The following TBCK variants were observed in gnomAD, a reference collection of about 807,000 sequenced individuals.
The protein encoded by TBCK is TBC domain-containing protein kinase-like protein.
A neutral mutation model predicts 113.4 loss-of-function variants in TBCK; 99 were observed. The ratio of observed to expected loss-of-function variants is 0.87; its 90% CI spans 0.74 to 1.03. TBCK has a LOEUF of 1.03. TBCK is among the 50% of genes least tolerant of loss of function. The pLI, the probability that TBCK is intolerant of heterozygous loss-of-function variation, is 0.00. For synonymous variants in TBCK, 369 were observed against 370.8 expected (o/e 1.00, Z 0.05); for missense variants, 1,045 against 1,061.3 (o/e 0.98, Z 0.21).
At chr4:106,089,784 A>G (rs774141996) in intron 25 of TBCK, among the ~76,000 whole-genome samples, 7 of 152,238 alleles carry the variant, frequency 4.6e-5, no homozygotes, top group Non-Finnish European at 8.8e-5. Flanking sequence ...CTCCTTTGAC[A>G]TGTCCTACAT....
chr4:106,148,382 C>T lies in TBCK; in HGVS notation c.2235+22713G>A, dbSNP rs182844746. 5.6e-3 allele frequency among the ~76,000 whole-genome samples: 845 copies of T among 152,232 alleles called. 10 individuals carry two copies. The highest frequency in any genetic ancestry group is 0.02 in the African/African-American group (816 of 41,542). ...GACATGTGATGTCTCCCCCGGATGC[C>T]CAGCTTTAAAATTTCTCTCTTTTGT... On this transcript the variant is annotated intron_variant, in intron 23 of 25. Transcript: ENST00000394708.
At chr4:106,255,655 A>C (rs935673744) in intron 5 of TBCK, among the ~76,000 whole-genome samples, 1 of 150,438 alleles carries the variant, frequency 6.6e-6, no homozygotes, top group Non-Finnish European at 1.5e-5. Context: ...GGGCTCCCCA[A>C]AGGGCTGCAG....
At chr4:106,222,831 CACAAAAAA>C (rs1757850171) in intron 19 of TBCK, among the ~76,000 whole-genome samples, 1 of 151,816 alleles carries the variant, frequency 6.6e-6, no homozygotes, top group African/African-American at 2.4e-5. Flanking sequence ...CTAGTAAAGG[CACAAAAAA>C]CAAGCACCAA....
chr4:106,259,964 T>C (rs1442525198), intron 5 of TBCK, among the ~76,000 whole-genome samples: 1 of 151,938 alleles, frequency 6.6e-6, no homozygotes, highest in Non-Finnish European at 1.5e-5. Context: ...CTTTCAGGTA[T>C]GGAATTTATC....
At chr4:106,048,285 T>G (rs1342421202) in intron 25 of TBCK, among the ~76,000 whole-genome samples, 1 of 152,126 alleles carries the variant, frequency 6.6e-6, no homozygotes, top group Non-Finnish European at 1.5e-5. Context: ...CTCACATAAA[T>G]GGGTCTTAGT....
At chr4:106,063,648 TC>T (rs1736304936) in intron 25 of TBCK, among the ~76,000 whole-genome samples, 1 of 151,856 alleles carries the variant, frequency 6.6e-6, no homozygotes, top group Admixed American at 6.6e-5. Context: ...GTTTGTGTCT[TC>T]CCCAAATTCA....
chr4:106,059,711 G>A (rs1224828282), intron 25 of TBCK, among the ~76,000 whole-genome samples: 2 of 151,718 alleles, frequency 1.3e-5, no homozygotes, highest in Admixed American at 1.3e-4. Context: ...GAAAGGAAGA[G>A]TCACATAATT....
chr4:106,123,957 C>A (rs530329702), intron 23 of TBCK, among the ~76,000 whole-genome samples: 7 of 150,578 alleles, frequency 4.6e-5, no homozygotes, highest in African/African-American at 9.8e-5. Context: ...ACTTCATGTC[C>A]AAAACACCAA....
At chr4:106,256,808 T>A (rs1762044013) in intron 5 of TBCK, among the ~76,000 whole-genome samples, 1 of 152,206 alleles carries the variant, frequency 6.6e-6, no homozygotes, top group Admixed American at 6.5e-5. Flanking sequence ...AATACCTGAT[T>A]TGATTCTATA....
intron 25 of TBCK, among the ~76,000 whole-genome samples, chr4:106,050,301 A>G (rs1374459077): frequency 6.6e-6 from 1 of 152,062 alleles, no homozygotes; most frequent in Admixed American, 6.6e-5. Context: ...CAGAAAAAAA[A>G]CGGTAAGATG....
In TBCK at chr4:106,043,092, G is replaced by T. The variant is rs771203639; in HGVS notation, c.*3478C>A. ...CTTATATTGATACTGGGTATCCCAC[G>T]GGCCTAAAAGCTGTGCCTTTCAGGT... On this transcript the variant is annotated 3_prime_UTR_variant, in exon 26 of 26. Coordinates refer to ENST00000394708, the MANE Select transcript of TBCK (RefSeq NM_001163435.3). 6.6e-6 allele frequency: 1 copy of T among 152,038 alleles called. No homozygotes were observed. Among genetic ancestry groups the T allele is most frequent in the Non-Finnish European group, 1.5e-5 (1 of 68,006 alleles). 9.4% of individuals were successfully genotyped at this position (152,038 alleles called of 1,614,324 possible). A position where few individuals can be genotyped will look rare whatever the true frequency, so the allele number is the denominator to read the frequency against.
chr4:106,123,421 C>T (rs1744716851), intron 23 of TBCK, among the ~76,000 whole-genome samples: 1 of 152,172 alleles, frequency 6.6e-6, no homozygotes. Context: ...TAGGAAGAAT[C>T]AATATCATGA....
At chr4:106,238,977 C>G (rs1470372378) in intron 12 of TBCK, among the ~76,000 whole-genome samples, 1 of 152,088 alleles carries the variant, frequency 6.6e-6, no homozygotes, top group East Asian at 1.9e-4. Context: ...GCAGGTCCCA[C>G]CAGGTTCTCA....
In TBCK at chr4:106,235,253, T is replaced by C; in HGVS notation, c.1449+16A>G. 5 of 1,562,038 alleles carry C rather than the reference T, an allele frequency of 3.2e-6. No homozygotes were observed. The highest frequency in any genetic ancestry group is 4.4e-6 in the Non-Finnish European group (5 of 1,148,486). Reference sequence around the variant, plus strand: ...TGCATAATTAATCAGCTTCTAACCTTTTCTTTTTTCCTTACCTCAACTCCC... The same window carrying C: ...TGCATAATTAATCAGCTTCTAACCTCTTCTTTTTTCCTTACCTCAACTCCC... On this transcript the variant is annotated intron_variant, in intron 15 of 25. Coordinates refer to ENST00000394708, the MANE Select transcript of TBCK (RefSeq NM_001163435.3).
intron 23 of TBCK, among the ~76,000 whole-genome samples, chr4:106,151,589 T>C (rs188917668): frequency 1.3e-5 from 2 of 152,142 alleles, no homozygotes; most frequent in Admixed American, 6.5e-5. Context: ...CAACCAATTC[T>C]AAACAATTTT....
At chr4:106,215,239 C>T (rs971099215) in intron 19 of TBCK, among the ~76,000 whole-genome samples, 48 of 151,956 alleles carry the variant, frequency 3.2e-4, no homozygotes, top group Admixed American at 1.8e-3. Context: ...AAGGAACAAC[C>T]GGTACCAGCC....
chr4:106,127,408 T>C (rs1745359278), intron 23 of TBCK, among the ~76,000 whole-genome samples: 1 of 152,132 alleles, frequency 6.6e-6, no homozygotes, highest in Non-Finnish European at 1.5e-5. Flanking sequence ...TGCGTGCATG[T>C]GTCTGAGAGG....
At chr4:106,131,654 A>T (rs899630076) in intron 23 of TBCK, among the ~76,000 whole-genome samples, 1 of 152,168 alleles carries the variant, frequency 6.6e-6, no homozygotes, top group Non-Finnish European at 1.5e-5. Flanking sequence ...TGGTACCAGT[A>T]GAGTGTGGTG....
chr4:106,307,838 C>A (rs1031667305), intron 2 of TBCK, among the ~76,000 whole-genome samples: 23 of 151,926 alleles, frequency 1.5e-4, no homozygotes, highest in Admixed American at 1.4e-3. Flanking sequence ...AATGAAAGAA[C>A]CTGATTACAC....
Sources: gnomAD v4.1 joint callset for allele counts (sites outside exome capture counted in the v4.1 genomes callset) on GRCh38, gnomAD v4.1.1 for gene constraint, MANE v1.5 for transcripts, NCBI Gene and HGNC (gene_info 2026-07-23, HGNC 2026-07-21) for gene names.